The following ABLIM1 variants were observed in gnomAD, a reference collection of about 807,000 sequenced individuals.
The protein encoded by ABLIM1 is actin binding LIM protein 1.
In ABLIM1, 40 loss-of-function variants were observed where a neutral mutation model predicts 107.0. That is an observed-to-expected ratio of 0.37 (90% confidence interval 0.29 to 0.49). The LOEUF is 0.49. ABLIM1 is among the 20% of genes least tolerant of loss of function. The probability of loss-of-function intolerance (pLI) is 0.97; values close to 1 mark genes in which losing one functional copy is unlikely to be tolerated. For synonymous variants in ABLIM1, 357 were observed against 357.3 expected (o/e 1.00, Z 0.01); for missense variants, 857 against 1,008.5 (o/e 0.85, Z 2.04).
At chr10:114,449,241 A>C (rs2061495669) in intron 14 of ABLIM1, among the ~76,000 whole-genome samples, 1 of 152,234 alleles carries the variant, frequency 6.6e-6, no homozygotes, top group Non-Finnish European at 1.5e-5. Flanking sequence ...ATTCTGGCTA[A>C]TTTTGCAAAT....
intron 1 of ABLIM1, among the ~76,000 whole-genome samples, chr10:114,731,378 G>T (rs1297790076): frequency 2.6e-5 from 4 of 151,852 alleles, no homozygotes; most frequent in Non-Finnish European, 4.4e-5. Flanking sequence ...CTGACCTCAG[G>T]TGATCTGCGT....
intron 1 of ABLIM1, among the ~76,000 whole-genome samples, chr10:114,667,956 G>T (rs1299524086): frequency 6.6e-6 from 1 of 152,134 alleles, no homozygotes; most frequent in Admixed American, 6.6e-5. Flanking sequence ...TTGGAAATGA[G>T]AACAAATGCA....
Position 114,695,340 on chromosome 10 carries a change from A to G in ABLIM1, c.-213+72721T>C, listed in dbSNP as rs540144716. On this transcript the variant is annotated intron_variant, in intron 1 of 15. Coordinates refer to the ABLIM1 transcript ENST00000651092. Reference sequence around the variant, plus strand: ...CAGGAATCAACATAAGGTGCTCTCCATATGTTCTCATTTAATACTCACACC... The same window carrying G: ...CAGGAATCAACATAAGGTGCTCTCCGTATGTTCTCATTTAATACTCACACC... Among the ~76,000 whole-genome samples, 4 of 152,292 alleles carry G rather than the reference A, an allele frequency of 2.6e-5. No homozygotes were observed. The South Asian group carries it at 8.3e-4, about 32-fold the overall frequency.
At chr10:114,798,563 C>CG in the ABLIM1 span, among the ~76,000 whole-genome samples, 73 of 125,914 alleles carry the variant, frequency 5.8e-4, 1 homozygote, top group African/African-American at 2.6e-3. Context: ...GAGACCCCCC[C>CG]CCCATGTCTA....
intron 1 of ABLIM1, among the ~76,000 whole-genome samples, chr10:114,742,068 C>G (rs1051582274): frequency 2.6e-5 from 4 of 152,172 alleles, no homozygotes; most frequent in Admixed American, 2.6e-4. Context: ...GACTTCGATA[C>G]TTAAGAATTT....
upstream of ABLIM1, among the ~76,000 whole-genome samples, chr10:114,662,349 T>C (rs1044297933): frequency 1.3e-4 from 20 of 152,204 alleles, no homozygotes; most frequent in African/African-American, 4.8e-4. Context: ...CAGAACAGAT[T>C]CAGTGGGAAG....
At chr10:114,725,592 T>C (rs867622744) in intron 1 of ABLIM1, among the ~76,000 whole-genome samples, 76 of 152,206 alleles carry the variant, frequency 5.0e-4, no homozygotes, top group African/African-American at 1.8e-3. Context: ...TTTGAGGAGA[T>C]GCACTGGGAG....
At chr10:114,679,343 T>C (rs61869072) in intron 1 of ABLIM1, among the ~76,000 whole-genome samples, 74,189 of 151,418 alleles carry the variant, frequency 0.49, 18,666 homozygotes, top group South Asian at 0.62. Flanking sequence ...GTTAGAAATA[T>C]CTTAAACCTT....
In ABLIM1 at chr10:114,575,692, G is replaced by T. The variant is rs541689599; in HGVS notation, c.380-93C>A. 5.1e-4 allele frequency: 446 copies of T among 868,078 alleles called. 1 individual carries two copies. The highest frequency in any genetic ancestry group is 3.8e-3 in the Middle Eastern group (8 of 2,086). 53.8% of individuals were successfully genotyped at this position (868,078 alleles called of 1,614,324 possible). A position where few individuals can be genotyped will look rare whatever the true frequency, so the allele number is the denominator to read the frequency against. On this transcript the variant is annotated intron_variant, in intron 2 of 22. Coordinates refer to ENST00000533213, the MANE Select transcript of ABLIM1 (RefSeq NM_002313.7). ...AATACTGACTGGTTGCTCACCCTGT[G>T]ATCTCAATGGTTTGGGGCTAGGGAG...
intron 3 of ABLIM1, among the ~76,000 whole-genome samples, chr10:114,574,454 T>A (rs1250484759): frequency 1.3e-5 from 2 of 152,174 alleles, no homozygotes; most frequent in African/African-American, 4.8e-5. Flanking sequence ...ATTTTATTTT[T>A]TTTGAGATGG....
At chr10:114,544,337 C>T (rs753779551) in intron 6 of ABLIM1, among the ~76,000 whole-genome samples, 55 of 152,276 alleles carry the variant, frequency 3.6e-4, no homozygotes, top group African/African-American at 1.1e-3. Context: ...AGTAGGGTAG[C>T]GACTCCTTCT....
At chr10:114,450,412 T>C (rs1358816840) in intron 14 of ABLIM1, among the ~76,000 whole-genome samples, 1 of 150,918 alleles carries the variant, frequency 6.6e-6, no homozygotes, top group Admixed American at 6.6e-5. Context: ...TTTCACATCG[T>C]CCTAATTCTT....
At chr10:114,571,967 G>A (rs1007559755) in intron 3 of ABLIM1, among the ~76,000 whole-genome samples, 2 of 152,132 alleles carry the variant, frequency 1.3e-5, no homozygotes, top group African/African-American at 4.8e-5. Flanking sequence ...GGGAGAAATG[G>A]GACAGGCTGT....
intron 8 of ABLIM1, among the ~76,000 whole-genome samples, chr10:114,487,445 A>T (rs2058353374): frequency 6.6e-6 from 1 of 152,232 alleles, no homozygotes; most frequent in South Asian, 2.1e-4. Context: ...GTGTTCCGAG[A>T]ATTGACTAAT....
chr10:114,468,827 G>A (rs1307811709), intron 10 of ABLIM1, among the ~76,000 whole-genome samples: 5 of 151,626 alleles, frequency 3.3e-5, no homozygotes, highest in African/African-American at 7.3e-5. Context: ...TGAGGCTGGC[G>A]GACCACAAGG....
At chr10:114,458,844 C>T (rs942306101) in intron 12 of ABLIM1, among the ~76,000 whole-genome samples, 5 of 152,280 alleles carry the variant, frequency 3.3e-5, no homozygotes, top group South Asian at 4.1e-4. Flanking sequence ...ACTTTACAAA[C>T]GAAGCCCGAA....
At chr10:114,611,370 G>A (rs2076799009) in intron 1 of ABLIM1, among the ~76,000 whole-genome samples, 1 of 152,044 alleles carries the variant, frequency 6.6e-6, no homozygotes, top group South Asian at 2.1e-4. Context: ...CTACTCGAGA[G>A]GCTGAGGCAG....
rs184710690 is a variant in ABLIM1 at position 114,643,841 on chromosome 10, G to T, written c.244+14116C>A. ...TCCTCCTGCTTCAGCCTCCCAAAGTGCTGGGATTACAGGTGCGAGTCACTG... is the reference window on the plus strand; with the variant it reads ...TCCTCCTGCTTCAGCCTCCCAAAGTTCTGGGATTACAGGTGCGAGTCACTG... On this transcript the variant is annotated intron_variant, in intron 1 of 22. Transcript: ENST00000533213. Among the ~76,000 whole-genome samples, 44 of 152,190 alleles carry T rather than the reference G, an allele frequency of 2.9e-4. 1 individual carries two copies. Among genetic ancestry groups the T allele is most frequent in the Non-Finnish European group, 5.6e-4 (38 of 68,008 alleles).
chr10:114,621,799 T>A (rs2077479812), intron 1 of ABLIM1, among the ~76,000 whole-genome samples: 1 of 152,176 alleles, frequency 6.6e-6, no homozygotes. Context: ...GCCTCACAGA[T>A]AAGAGACCTC....
Sources: allele counts gnomAD v4.1 joint callset (sites outside exome capture counted in the v4.1 genomes callset), GRCh38; gene constraint gnomAD v4.1.1; transcripts MANE v1.5; gene names NCBI Gene and HGNC (gene_info 2026-07-23, HGNC 2026-07-21).